Variants in TAFA2 observed in about 807,000 individuals in gnomAD.
TAFA2 encodes chemokine-like protein TAFA-2.
Under a neutral mutation model 18.8 loss-of-function variants are expected in TAFA2, and 7 were observed. The observed-to-expected ratio is 0.37, with a 90% CI of 0.21 to 0.70. The LOEUF is 0.70. Ranked by LOEUF, TAFA2 falls within the 30% of genes least tolerant of loss-of-function variation. The pLI, the probability that TAFA2 is intolerant of heterozygous loss-of-function variation, is 0.53. For synonymous variants in TAFA2, 60 were observed against 54.2 expected, an observed-to-expected ratio of 1.11 and a Z score of -0.47; for missense variants, 122 against 158.1, an observed-to-expected ratio of 0.77 and a Z score of 1.23.
chr12:61,848,685 GTT>G (rs1225959394), intron 2 of TAFA2, among the ~76,000 whole-genome samples: 1 of 147,940 alleles, frequency 6.8e-6, no homozygotes, highest in Non-Finnish European at 1.5e-5. Context: ...CAGTTATCCT[GTT>G]TGAAGAAAAA....
chr12:61,850,946 T>G (rs1349893459), intron 2 of TAFA2, among the ~76,000 whole-genome samples: 1 of 152,182 alleles, frequency 6.6e-6, no homozygotes. Context: ...TCTGCTATCA[T>G]GATTGATTTC....
intron 1 of TAFA2, among the ~76,000 whole-genome samples, chr12:62,216,456 A>G (rs987026885): frequency 6.6e-6 from 1 of 152,160 alleles, no homozygotes; most frequent in Non-Finnish European, 1.5e-5. Flanking sequence ...CCTACATAAT[A>G]TTTGGTTGCT....
chr12:62,051,026 C>T (rs886779334), intron 1 of TAFA2, among the ~76,000 whole-genome samples: 36 of 152,184 alleles, frequency 2.4e-4, no homozygotes, highest in Non-Finnish European at 2.9e-5. Flanking sequence ...CAACATTTCC[C>T]ACTCTGAAAG....
At chr12:62,181,431 A>T (rs1401564799) in intron 1 of TAFA2, among the ~76,000 whole-genome samples, 1 of 152,206 alleles carries the variant, frequency 6.6e-6, no homozygotes, top group Non-Finnish European at 1.5e-5. Flanking sequence ...GAATGAATTG[A>T]TATCATTCCT....
chr12:62,034,587 T>C (rs572872388), intron 1 of TAFA2, among the ~76,000 whole-genome samples: 6 of 152,274 alleles, frequency 3.9e-5, no homozygotes, highest in Admixed American at 1.3e-4. Flanking sequence ...GCTAACTATA[T>C]TTGACTGAGT....
chr12:61,784,917 T>C (rs531333044), intron 2 of TAFA2, among the ~76,000 whole-genome samples: 2 of 151,612 alleles, frequency 1.3e-5, no homozygotes, highest in African/African-American at 4.8e-5. Flanking sequence ...ATCAGAGTTA[T>C]TAGTGTATCC....
intron 1 of TAFA2, among the ~76,000 whole-genome samples, chr12:62,159,895 G>C (rs1187694100): frequency 6.6e-6 from 1 of 152,168 alleles, no homozygotes; most frequent in South Asian, 2.1e-4. Flanking sequence ...AGATAAAATA[G>C]TAGGGGAAGA....
At chr12:62,006,781 T>C (rs1164555380) in intron 1 of TAFA2, among the ~76,000 whole-genome samples, 1 of 152,194 alleles carries the variant, frequency 6.6e-6, no homozygotes, top group Admixed American at 6.5e-5. Flanking sequence ...CAACCCATTT[T>C]CTATCACAAT....
At chr12:62,148,590 A>G (rs1245431) in intron 1 of TAFA2, among the ~76,000 whole-genome samples, 148,253 of 152,224 alleles carry the variant, frequency 0.97, 72,298 homozygotes, top group Middle Eastern at 1. Flanking sequence ...TACCTATCAG[A>G]TACTATGTTC....
rs1362289043 is a variant in TAFA2, at chr12:62,154,854, G to A, written c.-2+36405C>T. Among the ~76,000 whole-genome samples, 3 of 152,026 alleles carry A rather than the reference G, an allele frequency of 2.0e-5. No individual in the cohort carries two copies. In the East Asian group the frequency reaches 5.8e-4, roughly 29 times the overall value. ...TAGACAATATAAATTAAAAACATAT[G>A]TGATTCACAGCATTCCCCATGACAG... On this transcript the variant is annotated intron_variant, in intron 1 of 4. Coordinates refer to ENST00000416284, the MANE Select transcript of TAFA2 (RefSeq NM_178539.5).
chr12:62,182,001 C>A (rs2062555839), intron 1 of TAFA2, among the ~76,000 whole-genome samples: 1 of 149,172 alleles, frequency 6.7e-6, no homozygotes, highest in African/African-American at 2.5e-5. Flanking sequence ...CCCCCCCCCG[C>A]TACACATAGT....
intron 2 of TAFA2, among the ~76,000 whole-genome samples, chr12:61,770,543 C>G (rs186361182): frequency 6.6e-6 from 1 of 152,096 alleles, no homozygotes; most frequent in African/African-American, 2.4e-5. Flanking sequence ...GATTTCTCAA[C>G]AGAAGCTATA....
intron 1 of TAFA2, among the ~76,000 whole-genome samples, chr12:62,166,444 T>C (rs2062440497): frequency 6.6e-6 from 1 of 152,166 alleles, no homozygotes; most frequent in East Asian, 1.9e-4. Context: ...CAAGAGCTCA[T>C]TTTTGTTGCA....
At position 61,987,884 on chromosome 12, in the gene TAFA2, A is replaced by G. The variant is rs369595961; in HGVS notation, c.-1-120458T>C. On this transcript the variant is annotated intron_variant, in intron 1 of 4. Transcript: ENST00000416284. ...TTGCCCAACTTAAATTCAAGCTCTC[A>G]GCAAATGTTTGTTGAAGCAAATTAA... 1.5e-3 allele frequency among the ~76,000 whole-genome samples: 221 copies of G among 152,370 alleles called. 2 individuals are homozygous for G. The highest frequency in any genetic ancestry group is 4.8e-3 in the African/African-American group (200 of 41,590).
intron 1 of TAFA2, among the ~76,000 whole-genome samples, chr12:61,893,144 A>G (rs1331684512): frequency 6.6e-6 from 1 of 152,178 alleles, no homozygotes; most frequent in Non-Finnish European, 1.5e-5. Context: ...ACTAACAGAA[A>G]GAAGGTATCC....
At chr12:62,259,875 AGT>A (rs1248650522), upstream of TAFA2, 1 of 155,758 alleles carries the variant, frequency 6.4e-6, no homozygotes, top group Non-Finnish European at 1.4e-5. Context: ...TCGGTTTCGG[AGT>A]GTTTTTTGTG....
chr12:61,876,536 C>T (rs1192310688), intron 1 of TAFA2, among the ~76,000 whole-genome samples: 2 of 152,050 alleles, frequency 1.3e-5, no homozygotes, highest in Non-Finnish European at 2.9e-5. Context: ...ACCAGCAAAC[C>T]ATTAAAACAT....
In TAFA2 at chr12:62,191,256, T is replaced by C. The variant is rs1258924471; in HGVS notation, c.-2+3A>G. 1 of 152,120 alleles carries C rather than the reference T, an allele frequency of 6.6e-6. No homozygotes were observed. Among genetic ancestry groups the C allele is most frequent in the African/African-American group, 2.4e-5 (1 of 41,414 alleles). The allele number at this position is 152,120 out of a possible 1,614,324, so 9.4% of individuals were successfully genotyped here. ...GGCGACCCGAGGCGCGGCTCGCACC[T>C]ACCTGCAGCCCCGCTTCCCGGTGGC... On this transcript the variant is annotated splice_donor_region_variant and intron_variant, in intron 1 of 4. Coordinates refer to ENST00000416284, the MANE Select transcript of TAFA2 (RefSeq NM_178539.5).
intron 1 of TAFA2, among the ~76,000 whole-genome samples, chr12:61,969,039 A>G (rs530939914): frequency 3.0e-4 from 45 of 151,870 alleles, no homozygotes; most frequent in African/African-American, 9.4e-4. Flanking sequence ...AATGCAAAAT[A>G]AATGATTATC....
Sources: gnomAD v4.1 joint callset for allele counts (sites outside exome capture counted in the v4.1 genomes callset) on GRCh38, gnomAD v4.1.1 for gene constraint, MANE v1.5 for transcripts, NCBI Gene and HGNC (gene_info 2026-07-23, HGNC 2026-07-21) for gene names.